Variants in MYRIP observed in about 807,000 individuals in gnomAD.
MYRIP encodes the protein myosin VIIA and Rab interacting protein, also known as rab effector MyRIP.
Under a neutral mutation model 98.0 loss-of-function variants are expected in MYRIP, and 49 were observed. The observed-to-expected ratio is 0.50, with a 90% CI of 0.40 to 0.63. The LOEUF is 0.63. MYRIP is among the 30% of genes least tolerant of loss of function. The pLI is 0.00. For synonymous variants in MYRIP, 404 were observed against 409.5 expected (o/e 0.99, Z 0.16); for missense variants, 1,004 against 1,058.2 (o/e 0.95, Z 0.71).
chr3:40,182,875 C>T (rs1007486793), intron 9 of MYRIP, among the ~76,000 whole-genome samples: 1 of 152,206 alleles, frequency 6.6e-6, no homozygotes, highest in South Asian at 2.1e-4. Flanking sequence ...GTTAGGGTAG[C>T]ATATGCCACT....
chr3:40,244,229 G>C (rs1953112993), intron 12 of MYRIP, among the ~76,000 whole-genome samples: 1 of 152,202 alleles, frequency 6.6e-6, no homozygotes, highest in Non-Finnish European at 1.5e-5. Flanking sequence ...TTACAGGAAA[G>C]TTTGTGGGAG....
intron 3 of MYRIP, among the ~76,000 whole-genome samples, chr3:40,105,967 A>G (rs1262487257): frequency 6.6e-6 from 1 of 151,850 alleles, no homozygotes; most frequent in Non-Finnish European, 1.5e-5. Flanking sequence ...CAACCAAACC[A>G]TATCAGTTAC....
At chr3:39,915,977 G>A (rs1386263523) in intron 2 of MYRIP, among the ~76,000 whole-genome samples, 1 of 151,744 alleles carries the variant, frequency 6.6e-6, no homozygotes, top group East Asian at 1.9e-4. Context: ...TTCTTACAGT[G>A]GGCACAAGAC....
At chr3:39,895,210 G>A (rs1475407167) in intron 1 of MYRIP, among the ~76,000 whole-genome samples, 3 of 148,616 alleles carry the variant, frequency 2.0e-5, no homozygotes, top group Admixed American at 1.3e-4. Flanking sequence ...TTTTTGAGGC[G>A]GAGTCTCACT....
chr3:40,166,825 T>C (rs1432099472), intron 5 of MYRIP, 21 bp from the exon 6 acceptor site: 4 of 1,516,564 alleles, frequency 2.6e-6, no homozygotes, highest in Non-Finnish European at 3.7e-6. Flanking sequence ...AGAAATGCTC[T>C]TTGTTCTGTT....
chr3:40,244,700 T>C, intron 13 of MYRIP, 93 bp downstream of exon 13: 3 of 1,308,888 alleles, frequency 2.3e-6, no homozygotes, highest in Non-Finnish European at 3.1e-6. Context: ...ATTGTATCTA[T>C]CAGCTCCCAT....
intron 1 of MYRIP, among the ~76,000 whole-genome samples, chr3:39,851,558 T>C (rs1209129659): frequency 6.6e-6 from 1 of 152,254 alleles, no homozygotes; most frequent in Non-Finnish European, 1.5e-5. Flanking sequence ...ACAGAAGTCA[T>C]GGAAGCTGTT....
chr3:40,214,782 G>T (rs1345154744), intron 11 of MYRIP, among the ~76,000 whole-genome samples: 1 of 152,164 alleles, frequency 6.6e-6, no homozygotes, highest in Non-Finnish European at 1.5e-5. Context: ...AATGGTTCTG[G>T]AAGAAAGTCC....
chr3:40,125,606 A>G (rs1949511358), intron 3 of MYRIP, among the ~76,000 whole-genome samples: 1 of 152,186 alleles, frequency 6.6e-6, no homozygotes, highest in Non-Finnish European at 1.5e-5. Flanking sequence ...GACACTCAGT[A>G]TTAACCATCA....
At chr3:39,979,410 G>A (rs541969037) in intron 2 of MYRIP, among the ~76,000 whole-genome samples, 2 of 152,134 alleles carry the variant, frequency 1.3e-5, no homozygotes, top group African/African-American at 4.8e-5. Context: ...AGGCCAAGGC[G>A]GGCGGATCAC....
chr3:40,061,191 G>A (rs1338941450), intron 3 of MYRIP, among the ~76,000 whole-genome samples: 1 of 152,060 alleles, frequency 6.6e-6, no homozygotes, highest in Non-Finnish European at 1.5e-5. Flanking sequence ...CAGTTATTAA[G>A]CCCAGTACCC....
At chr3:39,996,272 T>C (rs181819355) in intron 2 of MYRIP, among the ~76,000 whole-genome samples, 57 of 152,320 alleles carry the variant, frequency 3.7e-4, no homozygotes, top group African/African-American at 1.3e-3. Flanking sequence ...ATCTGTGTGC[T>C]GTATTCAGGA....
At position 40,000,510 on chromosome 3, in the gene MYRIP, C is replaced by T. The variant is rs367568224; in HGVS notation, c.111-43540C>T. Among the ~76,000 whole-genome samples, 6 of 152,290 alleles carry T rather than the reference C, an allele frequency of 3.9e-5. No individual in the cohort carries two copies. In the South Asian group the frequency reaches 6.2e-4, roughly 16 times the overall value. On this transcript the variant is annotated intron_variant, in intron 2 of 16. Coordinates refer to ENST00000302541, the MANE Select transcript of MYRIP (RefSeq NM_015460.4). ...ACACAGAATGGCTTTGAAAATCCTTCGATTACTCATAAATAACTGTACATC... is the reference window on the plus strand; with the variant it reads ...ACACAGAATGGCTTTGAAAATCCTTTGATTACTCATAAATAACTGTACATC...
chr3:39,978,140 T>C (rs1015321445), intron 2 of MYRIP, among the ~76,000 whole-genome samples: 4 of 152,188 alleles, frequency 2.6e-5, no homozygotes, highest in African/African-American at 9.6e-5. Context: ...ATGTTGCTAC[T>C]GATGAGGGCT....
chr3:39,976,113 A>G (rs1229551953), intron 2 of MYRIP, among the ~76,000 whole-genome samples: 9 of 152,200 alleles, frequency 5.9e-5, no homozygotes, highest in Admixed American at 3.9e-4. Context: ...TGAACTGGCA[A>G]CCTACAGAAT....
chr3:39,888,699 A>G (rs1943387687), intron 1 of MYRIP, among the ~76,000 whole-genome samples: 1 of 152,192 alleles, frequency 6.6e-6, no homozygotes, highest in Admixed American at 6.5e-5. Flanking sequence ...TAAACTAAAG[A>G]ACTTCTGCAC....
chr3:39,832,987 G>T (rs1559489958), intron 1 of MYRIP, among the ~76,000 whole-genome samples: 1 of 152,128 alleles, frequency 6.6e-6, no homozygotes, highest in Non-Finnish European at 1.5e-5. Flanking sequence ...AATCAACCCA[G>T]ATACACAACA....
chr3:40,064,993 A>C (rs1355340801), intron 3 of MYRIP, among the ~76,000 whole-genome samples: 2 of 152,180 alleles, frequency 1.3e-5, no homozygotes, highest in Non-Finnish European at 2.9e-5. Context: ...CTGCGTACTC[A>C]TTTCTTAGGG....
At chr3:39,901,673 A>G (rs1307044720) in intron 2 of MYRIP, among the ~76,000 whole-genome samples, 1 of 152,174 alleles carries the variant, frequency 6.6e-6, no homozygotes, top group African/African-American at 2.4e-5. Flanking sequence ...GTTTATTCAC[A>G]GCACCATCTT....
Sources: allele counts gnomAD v4.1 joint callset (sites outside exome capture counted in the v4.1 genomes callset), GRCh38; gene constraint gnomAD v4.1.1; transcripts MANE v1.5; gene names NCBI Gene and HGNC (gene_info 2026-07-23, HGNC 2026-07-21).